Variants in ARHGEF3 observed in about 807,000 individuals in gnomAD.
ARHGEF3 encodes 59.8 kDA protein.
A neutral mutation model predicts 63.2 loss-of-function variants in ARHGEF3; 28 were observed. The observed-to-expected ratio is 0.44, with a 90% CI of 0.33 to 0.61. The LOEUF is 0.61. Among genes scored for constraint, ARHGEF3 ranks in the 20% least tolerant of loss-of-function variants. The probability of loss-of-function intolerance (pLI) is 0.03; values close to 1 mark genes in which losing one functional copy is unlikely to be tolerated. For missense variants in ARHGEF3, 533 were observed against 659.3 expected, an observed-to-expected ratio of 0.81 and a Z score of 2.10; for synonymous variants, 266 against 254.2, an observed-to-expected ratio of 1.05 and a Z score of -0.44.
intron 4 of ARHGEF3, among the ~76,000 whole-genome samples, chr3:56,875,905 G>C (rs2040570482): frequency 1.3e-5 from 2 of 152,196 alleles, no homozygotes; most frequent in Admixed American, 1.3e-4. Context: ...AATGCTGGGT[G>C]ATAAAGGCTA....
intron 4 of ARHGEF3, among the ~76,000 whole-genome samples, chr3:56,865,827 C>A (rs887898433): frequency 1.3e-5 from 2 of 152,188 alleles, no homozygotes; most frequent in African/African-American, 4.8e-5. Context: ...CCTAATCTCA[C>A]ACTCCTAGCC....
At chr3:57,006,489 C>T (rs145562558) in intron 2 of ARHGEF3, among the ~76,000 whole-genome samples, 1 of 152,164 alleles carries the variant, frequency 6.6e-6, no homozygotes, top group Non-Finnish European at 1.5e-5. Context: ...TCTTCCAAGC[C>T]GTTAGGAAAA....
intron 2 of ARHGEF3, among the ~76,000 whole-genome samples, chr3:56,764,004 T>C (rs1474038588): frequency 2.0e-5 from 3 of 152,086 alleles, no homozygotes; most frequent in East Asian, 3.9e-4. Context: ...TTAGAAATGG[T>C]GCAATAAACA....
At chr3:56,909,695 T>C (rs2041804080) in intron 3 of ARHGEF3, among the ~76,000 whole-genome samples, 1 of 152,224 alleles carries the variant, frequency 6.6e-6, no homozygotes, top group African/African-American at 2.4e-5. Context: ...GGCCTTGGGA[T>C]AGGCGTTCTC....
intron 1 of ARHGEF3, among the ~76,000 whole-genome samples, chr3:57,050,977 C>T (rs1396211700): frequency 6.6e-6 from 1 of 152,148 alleles, no homozygotes; most frequent in Non-Finnish European, 1.5e-5. Context: ...CAGACAAGTC[C>T]ACAGTCCCTT....
At chr3:56,820,523 G>C (rs2038444985) in intron 4 of ARHGEF3, among the ~76,000 whole-genome samples, 1 of 152,166 alleles carries the variant, frequency 6.6e-6, no homozygotes, top group African/African-American at 2.4e-5. Context: ...GGGTGGACCA[G>C]TCAGGCACAG....
rs1376910910 is a variant in ARHGEF3, at chr3:56,737,320, G to T, written c.906C>A (p.Asn302Lys). Residue 302 changes from asparagine to lysine, a missense_variant, in exon 8 of 10, where the codon AAC (asparagine) becomes AAA (lysine). By Grantham distance (94) the Asn-to-Lys change is moderately conservative (BLOSUM62 0). Transcript: ENST00000296315. ...GGCATTCAGATTCACCAGTCTTGGT[G>T]TTGATTTCTGCCACAATTCCCTGAA... ...NIIQGIVAEI[N>K]TKTGESECRY... 1 of 1,613,128 alleles carries T rather than the reference G, an allele frequency of 6.2e-7. No individual in the cohort carries two copies. Among genetic ancestry groups the T allele is most frequent in the Admixed American group, 1.7e-5 (1 of 59,852 alleles).
At chr3:57,061,842 A>C (rs1705239069) in intron 1 of ARHGEF3, among the ~76,000 whole-genome samples, 1 of 152,196 alleles carries the variant, frequency 6.6e-6, no homozygotes, top group African/African-American at 2.4e-5. Flanking sequence ...CCCATTTTAC[A>C]GACAAAGAAC....
chr3:56,929,724 A>G (rs769750881), intron 3 of ARHGEF3, among the ~76,000 whole-genome samples: 1 of 152,230 alleles, frequency 6.6e-6, no homozygotes, highest in Non-Finnish European at 1.5e-5. Flanking sequence ...CTCAAACACT[A>G]TGTATCTTTA....
At chr3:56,778,502 G>A (rs1008491848) in intron 1 of ARHGEF3, among the ~76,000 whole-genome samples, 1 of 152,130 alleles carries the variant, frequency 6.6e-6, no homozygotes, top group African/African-American at 2.4e-5. Context: ...ATTTATTTAT[G>A]AACACTAAAA....
chr3:56,982,562 C>T (rs946687717), intron 2 of ARHGEF3, among the ~76,000 whole-genome samples: 4 of 152,168 alleles, frequency 2.6e-5, no homozygotes, highest in African/African-American at 4.8e-5. Context: ...ATCAGACCTA[C>T]CCTATGTCTT....
intron 1 of ARHGEF3, among the ~76,000 whole-genome samples, chr3:57,045,691 T>G (rs926620808): frequency 3.3e-5 from 5 of 152,174 alleles, no homozygotes; most frequent in Admixed American, 1.3e-4. Context: ...ACAGAGCTAG[T>G]GACCTTAAGA....
intron 2 of ARHGEF3, among the ~76,000 whole-genome samples, chr3:56,765,185 T>C (rs985257148): frequency 1.3e-5 from 2 of 152,214 alleles, no homozygotes; most frequent in African/African-American, 4.8e-5. Flanking sequence ...TTGTCAGCTA[T>C]ACTCTCCAAG....
At position 56,772,997 on chromosome 3, in the gene ARHGEF3, G is replaced by A. The variant is rs536727135; in HGVS notation, c.204+712C>T. Among the ~76,000 whole-genome samples the A allele has an allele frequency of 9.9e-5, 15 of 152,206 alleles. No homozygotes were observed. In the East Asian group the frequency reaches 2.1e-3, roughly 22 times the overall value. Reference sequence around the variant, plus strand: ...TTAGAACCCAAGGTACTTCCACTCCGAGGTCCTTAGGTCCTCATTCTAAGC... The same window carrying A: ...TTAGAACCCAAGGTACTTCCACTCCAAGGTCCTTAGGTCCTCATTCTAAGC... On this transcript the variant is annotated intron_variant, in intron 2 of 9. Transcript: ENST00000296315.
intron 3 of ARHGEF3, among the ~76,000 whole-genome samples, chr3:56,899,348 T>C (rs1281516668): frequency 6.6e-6 from 1 of 152,244 alleles, no homozygotes; most frequent in Non-Finnish European, 1.5e-5. Context: ...GTTATTACTT[T>C]GTCAATTCAT....
At chr3:56,747,446 G>A (rs951885516) in intron 6 of ARHGEF3, among the ~76,000 whole-genome samples, 1 of 152,142 alleles carries the variant, frequency 6.6e-6, no homozygotes, top group Admixed American at 6.5e-5. Context: ...GCTAGGAGAG[G>A]CCCCAAGTGA....
At chr3:56,986,604 C>T (rs58954593) in intron 2 of ARHGEF3, among the ~76,000 whole-genome samples, 28,041 of 151,840 alleles carry the variant, frequency 0.18, 2,696 homozygotes, top group East Asian at 0.33. Flanking sequence ...TCGAGTGTTC[C>T]AGGAGGAGGC....
intron 1 of ARHGEF3, among the ~76,000 whole-genome samples, chr3:57,045,523 GTCC>G (rs1704415817): frequency 1.3e-5 from 2 of 152,140 alleles, no homozygotes; most frequent in Admixed American, 6.5e-5. Context: ...TGTCATCATT[GTCC>G]TCCTCCTCAC....
At position 57,015,249 on chromosome 3, in the gene ARHGEF3, G is replaced by T. The variant is rs540760098; in HGVS notation, c.62+19839C>A. Among the ~76,000 whole-genome samples the T allele has an allele frequency of 6.6e-5, 10 of 152,158 alleles. No homozygotes were observed. The South Asian group carries it at 2.1e-3, about 32-fold the overall frequency. ...TAACACTATACCCCGTTTCTAATCT[G>T]ACCTAGAGATAAACTTCTTACTCTC... On this transcript the variant is annotated intron_variant, in intron 2 of 12. Coordinates refer to the ARHGEF3 transcript ENST00000338458.
Sources: gnomAD v4.1 joint callset for allele counts (sites outside exome capture counted in the v4.1 genomes callset) on GRCh38, gnomAD v4.1.1 for gene constraint, MANE v1.5 for transcripts, NCBI Gene and HGNC (gene_info 2026-07-23, HGNC 2026-07-21) for gene names.